Variants in SPAG16 observed in about 807,000 individuals in gnomAD.
SPAG16 encodes the protein sperm associated antigen 16.
In SPAG16, 86 loss-of-function variants were observed where a neutral mutation model predicts 80.4. The ratio of observed to expected loss-of-function variants is 1.07; its 90% confidence interval spans 0.90 to 1.28. The LOEUF is 1.28. Among genes scored for constraint, SPAG16 ranks in the 50% most tolerant of loss-of-function variants. The probability of loss-of-function intolerance (pLI) is 0.00; values close to 1 mark genes in which losing one functional copy is unlikely to be tolerated. For missense variants in SPAG16, 870 were observed against 765.3 expected (o/e 1.14, Z -1.61); for synonymous variants, 294 against 265.9 (o/e 1.11, Z -1.03).
intron 9 of SPAG16, among the ~76,000 whole-genome samples, chr2:213,379,255 G>C (rs1430886501): frequency 6.6e-6 from 1 of 152,170 alleles, no homozygotes; most frequent in African/African-American, 2.4e-5. Context: ...ATGAATCCTG[G>C]CTATGGGAGA....
chr2:214,410,414 G>A lies in SPAG16; in HGVS notation c.*99G>A. On this transcript the variant is annotated 3_prime_UTR_variant, in exon 16 of 16. Transcript: ENST00000331683. Reference sequence around the variant, plus strand: ...AAGAACTGGTTAAATGTGCCAGCAGGTAACATTTACAGTCTGCTTTAAAAC... The same window carrying A: ...AAGAACTGGTTAAATGTGCCAGCAGATAACATTTACAGTCTGCTTTAAAAC... 1 of 1,170,920 alleles carries A rather than the reference G, an allele frequency of 8.5e-7. No individual in the cohort carries two copies. The highest frequency in any genetic ancestry group is 1.2e-6 in the Non-Finnish European group (1 of 831,590). The allele number at this position is 1,170,920 out of a possible 1,614,324, so 72.5% of individuals were successfully genotyped here.
chr2:213,559,591 TA>T (rs1012454217), intron 10 of SPAG16, among the ~76,000 whole-genome samples: 1 of 152,160 alleles, frequency 6.6e-6, no homozygotes. Context: ...AATATACTTG[TA>T]AAATTATAGT....
chr2:213,832,469 T>C (rs2125720926), intron 10 of SPAG16, among the ~76,000 whole-genome samples: 1 of 152,244 alleles, frequency 6.6e-6, no homozygotes, highest in South Asian at 2.1e-4. Flanking sequence ...GACAAAAACC[T>C]GAATTCCTCC....
intron 3 of SPAG16, among the ~76,000 whole-genome samples, chr2:213,303,923 A>G (rs374133938): frequency 5.9e-5 from 9 of 152,124 alleles, no homozygotes; most frequent in African/African-American, 1.9e-4. Flanking sequence ...ATCATATTAA[A>G]TAACTCTTAC....
intron 10 of SPAG16, among the ~76,000 whole-genome samples, chr2:213,553,713 T>C (rs909721521): frequency 6.6e-6 from 1 of 152,132 alleles, no homozygotes. Context: ...TCATGTTTCA[T>C]ATACCACAGC....
intron 15 of SPAG16, among the ~76,000 whole-genome samples, chr2:214,273,365 C>T (rs1212856310): frequency 6.6e-6 from 1 of 152,082 alleles, no homozygotes; most frequent in Non-Finnish European, 1.5e-5. Context: ...AAGCCCTTGC[C>T]CATGCCTATG....
At chr2:214,219,620 C>G (rs1220646080) in intron 15 of SPAG16, among the ~76,000 whole-genome samples, 1 of 152,074 alleles carries the variant, frequency 6.6e-6, no homozygotes, top group Non-Finnish European at 1.5e-5. Flanking sequence ...TGCTCTGTGC[C>G]AGTTACTTTT....
intron 15 of SPAG16, among the ~76,000 whole-genome samples, chr2:214,279,993 A>G (rs1235301071): frequency 6.6e-6 from 1 of 152,230 alleles, no homozygotes; most frequent in African/African-American, 2.4e-5. Context: ...TTAGGAATTT[A>G]CAGCACTATA....
At chr2:213,985,504 G>C (rs2045958103) in intron 12 of SPAG16, among the ~76,000 whole-genome samples, 1 of 152,020 alleles carries the variant, frequency 6.6e-6, no homozygotes, top group South Asian at 2.1e-4. Flanking sequence ...TGTAGCAGTA[G>C]GGTCTTGATA....
At chr2:213,634,970 A>G (rs1253047782) in intron 10 of SPAG16, among the ~76,000 whole-genome samples, 1 of 151,808 alleles carries the variant, frequency 6.6e-6, no homozygotes. Context: ...ACATATATAT[A>G]TACTCCACAT....
intron 15 of SPAG16, among the ~76,000 whole-genome samples, chr2:214,158,013 TTTG>T (rs3043768): frequency 0.36 from 54,521 of 151,906 alleles, 12,197 homozygotes; most frequent in Non-Finnish European, 0.5. Flanking sequence ...GAAAAGGACA[TTTG>T]AATCAGGAAC....
chr2:213,518,402 T>TGGGA lies in SPAG16; in HGVS notation c.1070+28313_1070+28316dup, dbSNP rs531562598. Reference sequence around the variant, plus strand: ...CTTGCCTCAGCCTCCTACAGGAAGCTGGGACTACATGCTGAGGCAGGTTTT... The same window carrying TGGGA: ...CTTGCCTCAGCCTCCTACAGGAAGCTGGGAGGGACTACATGCTGAGGCAGGTTTT... On this transcript the variant is annotated intron_variant, in intron 10 of 15. Transcript: ENST00000331683. Among the ~76,000 whole-genome samples, 42 of 152,266 alleles carry TGGGA rather than the reference T, an allele frequency of 2.8e-4. No homozygotes were observed. The South Asian group carries it at 8.1e-3, about 29-fold the overall frequency.
chr2:213,978,953 G>A (rs1330988081), intron 12 of SPAG16, among the ~76,000 whole-genome samples: 1 of 151,666 alleles, frequency 6.6e-6, no homozygotes, highest in African/African-American at 2.4e-5. Flanking sequence ...GCTTTCCTCG[G>A]GAAGTAATAA....
chr2:214,049,334 A>T (rs1442855935), intron 13 of SPAG16, among the ~76,000 whole-genome samples: 1 of 152,190 alleles, frequency 6.6e-6, no homozygotes, highest in Non-Finnish European at 1.5e-5. Flanking sequence ...TTTGACTTTT[A>T]AAATCTGGAT....
intron 10 of SPAG16, among the ~76,000 whole-genome samples, chr2:213,654,628 A>G (rs1386037047): frequency 1.3e-5 from 2 of 151,316 alleles, no homozygotes; most frequent in African/African-American, 4.9e-5. Context: ...GAGGCAGGAG[A>G]ATGGCATGAA....
chr2:214,086,345 T>G (rs940616614), intron 13 of SPAG16, among the ~76,000 whole-genome samples: 2 of 152,204 alleles, frequency 1.3e-5, no homozygotes, highest in Admixed American at 1.3e-4. Flanking sequence ...AAGCAAGAAG[T>G]AAGCACCTTA....
intron 9 of SPAG16, among the ~76,000 whole-genome samples, chr2:213,437,783 G>A (rs145153305): frequency 6.2e-4 from 94 of 152,240 alleles, no homozygotes; most frequent in East Asian, 4.2e-3. Context: ...CTCTCCCTGC[G>A]TATTTATATT....
chr2:214,220,054 G>A (rs996626899), intron 15 of SPAG16, among the ~76,000 whole-genome samples: 9 of 151,868 alleles, frequency 5.9e-5, no homozygotes, highest in African/African-American at 2.2e-4. Context: ...TACACATATA[G>A]TTGAAAACAT....
chr2:213,862,465 T>C lies in SPAG16; in HGVS notation c.1071-20T>C. ...TTGCTATTATCTCCCCATAACTCTTTTTTCTTTCTCCTCGCGCAGTGTCTC... is the reference window on the plus strand; with the variant it reads ...TTGCTATTATCTCCCCATAACTCTTCTTTCTTTCTCCTCGCGCAGTGTCTC... On this transcript the variant is annotated intron_variant, in intron 10 of 15. Coordinates refer to ENST00000331683, the MANE Select transcript of SPAG16 (RefSeq NM_024532.5). The C allele has an allele frequency of 6.2e-7, 1 of 1,611,204 alleles. No homozygotes were observed. The highest frequency in any genetic ancestry group is 8.5e-7 in the Non-Finnish European group (1 of 1,177,670).
Sources: gnomAD v4.1 joint callset for allele counts (sites outside exome capture counted in the v4.1 genomes callset) on GRCh38, gnomAD v4.1.1 for gene constraint, MANE v1.5 for transcripts, NCBI Gene and HGNC (gene_info 2026-07-23, HGNC 2026-07-21) for gene names.